Variants in LOC128462377 observed in about 807,000 individuals in gnomAD.
the LOC128462377 span, among the ~76,000 whole-genome samples, chr16:89,384,874 G>GTTTTTTTTT: frequency 5.5e-5 from 4 of 72,762 alleles, no homozygotes; most frequent in African/African-American, 2.2e-4. Flanking sequence ...ATGAGAAATA[G>GTTTTTTTTT]TTTTCTTTTT....
chr16:89,339,030 C>T, the LOC128462377 span, among the ~76,000 whole-genome samples: 3 of 152,106 alleles, frequency 2.0e-5, no homozygotes, highest in Non-Finnish European at 2.9e-5. Context: ...ATGATGAGTC[C>T]ATCTGCTCGT....
At chr16:89,352,007 T>G in the LOC128462377 span, among the ~76,000 whole-genome samples, 1 of 151,984 alleles carries the variant, frequency 6.6e-6, no homozygotes, top group Non-Finnish European at 1.5e-5. Flanking sequence ...GCCTCCCAGG[T>G]TCAAGCAATT....
the LOC128462377 span, chr16:89,317,082 CAA>C: frequency 2.0e-6 from 3 of 1,527,756 alleles, no homozygotes; most frequent in East Asian, 7.1e-5. Context: ...CCGTCTGCTT[CAA>C]AAGAGAAGAC....
the LOC128462377 span, among the ~76,000 whole-genome samples, chr16:89,380,744 G>T: frequency 6.6e-6 from 1 of 152,244 alleles, no homozygotes; most frequent in Admixed American, 6.5e-5. Context: ...AGGCAGAGAA[G>T]AAGCTGGAGG....
the LOC128462377 span, among the ~76,000 whole-genome samples, chr16:89,411,726 G>A: frequency 9.9e-5 from 15 of 152,196 alleles, no homozygotes; most frequent in East Asian, 2.9e-3. Context: ...CTATCCCCTT[G>A]TTGACAGTAA....
At chr16:89,328,549 T>A in the LOC128462377 span, among the ~76,000 whole-genome samples, 2 of 150,794 alleles carry the variant, frequency 1.3e-5, no homozygotes, top group Admixed American at 6.6e-5. Flanking sequence ...TGGGTGAATC[T>A]GCAGAGGCCC....
the LOC128462377 span, among the ~76,000 whole-genome samples, chr16:89,392,192 C>T: frequency 4.6e-5 from 7 of 152,332 alleles, no homozygotes; most frequent in South Asian, 4.1e-4. Context: ...TGGTCTCCTT[C>T]ATTCGGTGTA....
At chr16:89,323,924 GA>G in the LOC128462377 span, 1 of 217,186 alleles carries the variant, frequency 4.6e-6, no homozygotes, top group Admixed American at 5.5e-5. Context: ...TCGCGAGGTA[GA>G]ATCTCTTTGC....
chr16:89,319,846 T>G, the LOC128462377 span: 1 of 152,414 alleles, frequency 6.6e-6, no homozygotes, highest in African/African-American at 2.4e-5. Context: ...GAGGCTCCAG[T>G]TGCTTTTGTT....
At chr16:89,321,106 C>G in the LOC128462377 span, 5 of 152,666 alleles carry the variant, frequency 3.3e-5, no homozygotes, top group African/African-American at 9.6e-5. Context: ...GCGCCCTCCC[C>G]CTCCGCACAC....
the LOC128462377 span, among the ~76,000 whole-genome samples, chr16:89,408,563 A>C: frequency 2.0e-5 from 3 of 152,152 alleles, no homozygotes; most frequent in African/African-American, 7.2e-5. Flanking sequence ...GCCCAGGCTG[A>C]CGAGCGTGAG....
the LOC128462377 span, among the ~76,000 whole-genome samples, chr16:89,402,829 C>T: frequency 7.5e-6 from 1 of 133,418 alleles, no homozygotes. Context: ...GGGGGGGCGG[C>T]ACTGCGGGAG....
the LOC128462377 span, among the ~76,000 whole-genome samples, chr16:89,332,685 C>T: frequency 5.3e-5 from 8 of 152,212 alleles, no homozygotes; most frequent in African/African-American, 1.7e-4. Context: ...GCGCTGAGAC[C>T]AGGCAGGGCT....
chr16:89,335,146 C>T, the LOC128462377 span, among the ~76,000 whole-genome samples: 35 of 152,178 alleles, frequency 2.3e-4, no homozygotes, highest in African/African-American at 7.0e-4. Flanking sequence ...GCCCCATGTC[C>T]GGCCTGTGGG....
chr16:89,387,312 GT>G, the LOC128462377 span, among the ~76,000 whole-genome samples: 6 of 152,064 alleles, frequency 3.9e-5, no homozygotes, highest in Non-Finnish European at 1.5e-5. Flanking sequence ...TGCGTCTGTG[GT>G]GAGGGGACAG....
chr16:89,347,233 T>TA, the LOC128462377 span, among the ~76,000 whole-genome samples: 3 of 152,152 alleles, frequency 2.0e-5, no homozygotes, highest in Non-Finnish European at 4.4e-5. Context: ...TCTGGCAGTG[T>TA]AGCCTTGACA....
the LOC128462377 span, among the ~76,000 whole-genome samples, chr16:89,343,079 G>C: frequency 1.3e-5 from 2 of 152,190 alleles, no homozygotes; most frequent in African/African-American, 2.4e-5. Context: ...GGAGTGCAGT[G>C]GTGCGATCTC....
At chr16:89,414,692 T>C in the LOC128462377 span, among the ~76,000 whole-genome samples, 1 of 152,182 alleles carries the variant, frequency 6.6e-6, no homozygotes, top group East Asian at 1.9e-4. Context: ...AGTCAGCCCA[T>C]CACACAAGGC....
chr16:89,330,309 G>C, the LOC128462377 span, among the ~76,000 whole-genome samples: 1 of 152,120 alleles, frequency 6.6e-6, no homozygotes, highest in Non-Finnish European at 1.5e-5. Flanking sequence ...CAGCTTCTGG[G>C]TGGGTGGGAA....
Sources: allele counts gnomAD v4.1 joint callset (sites outside exome capture counted in the v4.1 genomes callset), GRCh38; gene constraint gnomAD v4.1.1; transcripts MANE v1.5.